The following PPP1CB variants were observed in gnomAD, a reference collection of about 807,000 sequenced individuals.
PPP1CB encodes serine/threonine-protein phosphatase PP1-beta catalytic subunit.
Under a neutral mutation model 43.7 loss-of-function variants are expected in PPP1CB, and 2 were observed. The observed-to-expected ratio is 0.05, with a 90% confidence interval of 0.02 to 0.14. The LOEUF (loss-of-function observed/expected upper bound fraction) is 0.14, where lower values mean the gene tolerates loss of function less well. Among genes scored for constraint, PPP1CB ranks in the 10% least tolerant of loss-of-function variants. PPP1CB has a pLI of 1.00. For missense variants in PPP1CB, 84 were observed against 398.0 expected, an observed-to-expected ratio of 0.21 and a Z score of 6.71; for synonymous variants, 136 against 135.6, an observed-to-expected ratio of 1.00 and a Z score of -0.02.
At chr2:28,769,134 A>C (rs115500914) in intron 1 of PPP1CB, among the ~76,000 whole-genome samples, 1 of 152,250 alleles carries the variant, frequency 6.6e-6, no homozygotes, top group South Asian at 2.1e-4. Flanking sequence ...AGGGAACAAT[A>C]ATATGAATGA....
rs1667432149 is a variant in PPP1CB at position 28,793,585 on chromosome 2, G to A, written c.745-278G>A. ...GTCATGATGCCTATTAGTATGTTTT[G>A]TTTCATGGGGAGCCTTGCAAATGGC... On this transcript the variant is annotated intron_variant, in intron 6 of 7. Transcript: ENST00000395366. Among the ~76,000 whole-genome samples, 5 of 152,168 alleles carry A rather than the reference G, an allele frequency of 3.3e-5. No homozygotes were observed. The South Asian group carries it at 1.0e-3, about 32-fold the overall frequency.
Position 28,751,910 on chromosome 2 carries a change from A to C in PPP1CB, c.-215A>C. The C allele has an allele frequency of 1.8e-6, 1 of 571,268 alleles. No homozygotes were observed. The highest frequency in any genetic ancestry group is 3.1e-6 in the Non-Finnish European group (1 of 322,058). The allele number at this position is 571,268 out of a possible 1,614,324, so 35.4% of individuals were successfully genotyped here. On this transcript the variant is annotated 5_prime_UTR_variant, in exon 1 of 8. Transcript: ENST00000395366. ...CTGTTCGAGGGGGCCTCTCTTGTTTATTTATTTATTTTCCGTGGGTGCCTC... is the reference window on the plus strand; with the variant it reads ...CTGTTCGAGGGGGCCTCTCTTGTTTCTTTATTTATTTTCCGTGGGTGCCTC...
intron 1 of PPP1CB, among the ~76,000 whole-genome samples, chr2:28,774,944 C>T (rs896826060): frequency 1.3e-5 from 2 of 152,196 alleles, no homozygotes; most frequent in African/African-American, 2.4e-5. Context: ...TTTGCTAAAG[C>T]ACATTTGAAT....
Position 28,752,033 on chromosome 2 carries a change from T to G in PPP1CB, c.-92T>G. 4.1e-6 allele frequency: 5 copies of G among 1,221,646 alleles called. No individual in the cohort carries two copies. Among genetic ancestry groups the G allele is most frequent in the Non-Finnish European group, 5.9e-6 (5 of 850,634 alleles). 75.7% of individuals were successfully genotyped at this position (1,221,646 alleles called of 1,614,324 possible). Reference sequence around the variant, plus strand: ...GCCGGGGTCGAAACGCCGCGTGACTTGTAGGTGAGAGAACGCCGAGCCGTC... The same window carrying G: ...GCCGGGGTCGAAACGCCGCGTGACTGGTAGGTGAGAGAACGCCGAGCCGTC... On this transcript the variant is annotated 5_prime_UTR_variant, in exon 1 of 8. Transcript: ENST00000395366.
In PPP1CB at chr2:28,776,436, T is replaced by C. The variant is rs528188794; in HGVS notation, c.53-415T>C. ...GCCACCACACCTGGCTAATTTTGTA[T>C]TTTTGGAGAGATGGGGTTTCTCCAT... On this transcript the variant is annotated intron_variant, in intron 1 of 7. Transcript: ENST00000395366. Among the ~76,000 whole-genome samples, 16 of 152,166 alleles carry C rather than the reference T, an allele frequency of 1.1e-4. No homozygotes were observed. The East Asian group carries it at 2.7e-3, about 26-fold the overall frequency.
At chr2:28,768,139 A>G (rs900251986) in intron 1 of PPP1CB, among the ~76,000 whole-genome samples, 2 of 152,170 alleles carry the variant, frequency 1.3e-5, no homozygotes, top group Non-Finnish European at 1.5e-5. Flanking sequence ...TTGAAGAGGC[A>G]GCCAACACAG....
At chr2:28,764,952 G>A (rs988026437) in intron 1 of PPP1CB, among the ~76,000 whole-genome samples, 3 of 152,110 alleles carry the variant, frequency 2.0e-5, no homozygotes, top group African/African-American at 7.2e-5. Context: ...CCGTGCATAG[G>A]TGTTGGAATT....
chr2:28,778,478 T>C, intron 2 of PPP1CB: 1 of 486,670 alleles, frequency 2.1e-6, no homozygotes. Context: ...TATAGACTGA[T>C]GGACTAAGAG....
chr2:28,753,346 G>T (rs1357908012), intron 1 of PPP1CB, among the ~76,000 whole-genome samples: 1 of 152,216 alleles, frequency 6.6e-6, no homozygotes, highest in African/African-American at 2.4e-5. Flanking sequence ...TGGGGGAGGG[G>T]TAATTCCTTT....
rs1666293515 is a variant in PPP1CB at position 28,751,940 on chromosome 2, T to C, written c.-185T>C. The C allele has an allele frequency of 1.6e-6, 1 of 621,032 alleles. No individual in the cohort carries two copies. 38.5% of individuals were successfully genotyped at this position (621,032 alleles called of 1,614,324 possible). A position where few individuals can be genotyped will look rare whatever the true frequency, so the allele number is the denominator to read the frequency against. ...TTTATTTTCCGTGGGTGCCTCCGAG[T>C]GTGCGCGCGCTCTCGCTACCCGGCG... is the stretch of plus-strand genomic sequence containing the variant. On this transcript the variant is annotated 5_prime_UTR_variant, in exon 1 of 8. Coordinates refer to ENST00000395366, the MANE Select transcript of PPP1CB (RefSeq NM_002709.3).
At chr2:28,785,091 T>TTTTTTTTTTTTTTTTTTTG (rs1667237873) in intron 5 of PPP1CB, among the ~76,000 whole-genome samples, 1 of 125,170 alleles carries the variant, frequency 8.0e-6, no homozygotes, top group African/African-American at 3.0e-5. Flanking sequence ...TTTTTTTTTT[T>TTTTTTTTTTTTTTTTTTTG]TTGAGACAGA....
At chr2:28,767,784 A>G (rs977201968) in intron 1 of PPP1CB, among the ~76,000 whole-genome samples, 4 of 152,228 alleles carry the variant, frequency 2.6e-5, no homozygotes, top group African/African-American at 9.6e-5. Context: ...CTTTTTTGCA[A>G]TCATTTAAAA....
chr2:28,759,860 C>T (rs1013889107), intron 1 of PPP1CB, among the ~76,000 whole-genome samples: 1 of 152,000 alleles, frequency 6.6e-6, no homozygotes, highest in East Asian at 1.9e-4. Context: ...CTCAGGTGAT[C>T]CGCCTGCCTC....
In PPP1CB at chr2:28,791,487, G is replaced by A. The variant is rs370342195; in HGVS notation, c.745-2376G>A. On this transcript the variant is annotated intron_variant, in intron 6 of 7. Coordinates refer to ENST00000395366, the MANE Select transcript of PPP1CB (RefSeq NM_002709.3). ...CTGGGACTACAGGTGTATGCCACTA[G>A]CCTGGCTAGTTTTTGTATTTTTAGT... Among the ~76,000 whole-genome samples the A allele has an allele frequency of 9.3e-4, 141 of 151,994 alleles. 1 individual carries two copies. The South Asian group carries it at 0.029, about 31-fold the overall frequency.
rs10559224 is a variant in PPP1CB, at chr2:28,780,084, CT to C, written c.415+1066del. On this transcript the variant is annotated intron_variant, in intron 3 of 7. Transcript: ENST00000395366. ...TTTTCTTTTTTCTTTTCTTTTCTTT[CT>C]TTTTTTTTTTTTTTTTTTTTGAGAC... Among the ~76,000 whole-genome samples the C allele has an allele frequency of 2.1e-3, 274 of 131,784 alleles. 1 individual carries two copies. Among genetic ancestry groups the C allele is most frequent in the Admixed American group, 8.9e-3 (107 of 11,966 alleles). 86.5% of individuals were successfully genotyped at this position (131,784 alleles called of 152,430 possible). A position where few individuals can be genotyped will look rare whatever the true frequency, so the allele number is the denominator to read the frequency against.
At chr2:28,759,943 A>C (rs1294549667) in intron 1 of PPP1CB, among the ~76,000 whole-genome samples, 1 of 96,840 alleles carries the variant, frequency 1.0e-5, no homozygotes, top group African/African-American at 4.2e-5. Flanking sequence ...TATTTTAAAA[A>C]ACTAGTTAAA....
intron 1 of PPP1CB, among the ~76,000 whole-genome samples, chr2:28,758,196 C>A (rs1049301490): frequency 6.6e-6 from 1 of 151,558 alleles, no homozygotes; most frequent in Non-Finnish European, 1.5e-5. Flanking sequence ...CAGGCATGCA[C>A]CACTAATTAA....
chr2:28,755,720 G>A (rs1488989945), intron 1 of PPP1CB, among the ~76,000 whole-genome samples: 1 of 152,236 alleles, frequency 6.6e-6, no homozygotes, highest in Non-Finnish European at 1.5e-5. Flanking sequence ...TTTGGAGGAA[G>A]TGAAGTGGAA....
intron 1 of PPP1CB, 102 bp downstream of exon 1, chr2:28,752,278 C>T (rs1666321498): frequency 9.0e-7 from 1 of 1,112,098 alleles, no homozygotes; most frequent in African/African-American, 1.6e-5. Context: ...CTTTCCCGCC[C>T]CGAGACGAGT....
Sources: gnomAD v4.1 joint callset for allele counts (sites outside exome capture counted in the v4.1 genomes callset) on GRCh38, gnomAD v4.1.1 for gene constraint, MANE v1.5 for transcripts, NCBI Gene and HGNC (gene_info 2026-07-23, HGNC 2026-07-21) for gene names.